The following SENP7 variants were observed in gnomAD, a reference collection of about 807,000 sequenced individuals.
SENP7 encodes sentrin-specific protease 7.
In SENP7, 64 loss-of-function variants were observed where a neutral mutation model predicts 141.2. The observed-to-expected ratio is 0.45, with a 90% CI of 0.37 to 0.56. The LOEUF (loss-of-function observed/expected upper bound fraction) is 0.56, where lower values mean the gene tolerates loss of function less well. Ranked by LOEUF, SENP7 falls within the 20% of genes least tolerant of loss-of-function variation. The probability of loss-of-function intolerance (pLI) is 0.00; values close to 1 mark genes in which losing one functional copy is unlikely to be tolerated. For missense variants in SENP7, 1,025 were observed against 1,212.2 expected, an observed-to-expected ratio of 0.85 and a Z score of 2.29; for synonymous variants, 382 against 426.4, an observed-to-expected ratio of 0.90 and a Z score of 1.28.
intron 1 of SENP7, among the ~76,000 whole-genome samples, chr3:101,505,385 T>A (rs2065559418): frequency 6.6e-6 from 1 of 152,226 alleles, no homozygotes; most frequent in African/African-American, 2.4e-5. Flanking sequence ...AATGTCAGTT[T>A]CTTAAATTTT....
intron 6 of SENP7, among the ~76,000 whole-genome samples, chr3:101,378,808 A>G (rs1011549570): frequency 6.6e-6 from 1 of 152,144 alleles, no homozygotes; most frequent in Non-Finnish European, 1.5e-5. Flanking sequence ...AAATCCAGAA[A>G]AAAATAAGCC....
At chr3:101,404,235 G>A (rs1206978196) in intron 5 of SENP7, among the ~76,000 whole-genome samples, 1 of 151,968 alleles carries the variant, frequency 6.6e-6, no homozygotes, top group Non-Finnish European at 1.5e-5. Flanking sequence ...CAGACTAATG[G>A]AAAAGAATAA....
intron 2 of SENP7, among the ~76,000 whole-genome samples, chr3:101,496,512 T>C (rs10936664): frequency 0.68 from 102,283 of 151,416 alleles, 34,949 homozygotes; most frequent in African/African-American, 0.76. Flanking sequence ...AATCCTCCCA[T>C]CTTGGCCTCC....
At chr3:101,467,080 G>C (rs1466328750) in intron 3 of SENP7, among the ~76,000 whole-genome samples, 1 of 152,242 alleles carries the variant, frequency 6.6e-6, no homozygotes, top group Non-Finnish European at 1.5e-5. Context: ...CTTGCTCACT[G>C]CTAGCACAGC....
chr3:101,464,584 A>G (rs575285435), intron 3 of SENP7, among the ~76,000 whole-genome samples: 37 of 150,298 alleles, frequency 2.5e-4, no homozygotes, highest in African/African-American at 7.1e-4. Flanking sequence ...GTCTCCCATC[A>G]CCTCCAGATG....
intron 4 of SENP7, among the ~76,000 whole-genome samples, chr3:101,455,855 A>G (rs2063334202): frequency 6.6e-6 from 1 of 152,180 alleles, no homozygotes; most frequent in South Asian, 2.1e-4. Context: ...CAGATATTCT[A>G]GATATCCTAA....
chr3:101,462,855 G>A (rs992503062), intron 3 of SENP7, among the ~76,000 whole-genome samples: 2 of 150,014 alleles, frequency 1.3e-5, no homozygotes, highest in African/African-American at 2.4e-5. Context: ...GCAAAAGAGC[G>A]AGACTCTGTC....
chr3:101,331,932 CATTAA>C, intron 19 of SENP7, 48 bp downstream of exon 19: 1 of 1,568,212 alleles, frequency 6.4e-7, no homozygotes, highest in Non-Finnish European at 8.8e-7. Flanking sequence ...TCCCTGTAAC[CATTAA>C]ATTATTGTCA....
At chr3:101,463,364 A>AAT (rs71625265) in intron 3 of SENP7, among the ~76,000 whole-genome samples, 3,176 of 88,596 alleles carry the variant, frequency 0.036, 95 homozygotes, top group East Asian at 0.097. Flanking sequence ...TAAATAAATA[A>AAT]ATATATATAT....
chr3:101,470,900 A>C (rs1038114493), intron 3 of SENP7, among the ~76,000 whole-genome samples: 3 of 152,214 alleles, frequency 2.0e-5, no homozygotes, highest in Non-Finnish European at 4.4e-5. Context: ...TCCCATTCAC[A>C]ATTGCTTCAA....
chr3:101,414,188 T>A (rs78879949), intron 5 of SENP7: 31 of 572,408 alleles, frequency 5.4e-5, no homozygotes, highest in African/African-American at 5.1e-4. Flanking sequence ...TAACTATATA[T>A]GGCCGCACAG....
chr3:101,424,240 G>A (rs529298535), intron 4 of SENP7, among the ~76,000 whole-genome samples: 1 of 152,224 alleles, frequency 6.6e-6, no homozygotes, highest in Admixed American at 6.5e-5. Context: ...CTCCAGTGGG[G>A]TGGCCCCCAA....
intron 4 of SENP7, among the ~76,000 whole-genome samples, chr3:101,449,502 C>G (rs997980279): frequency 6.6e-6 from 1 of 152,218 alleles, no homozygotes; most frequent in Non-Finnish European, 1.5e-5. Flanking sequence ...GGAAGCCCAT[C>G]AGACTAACAG....
At chr3:101,371,133 CAAAA>C (rs2060168008) in intron 7 of SENP7, among the ~76,000 whole-genome samples, 1 of 151,838 alleles carries the variant, frequency 6.6e-6, no homozygotes, top group African/African-American at 2.4e-5. Context: ...CTGCAAAATA[CAAAA>C]AATTAGCCAG....
In SENP7 at chr3:101,499,558, CAG is replaced by C. The variant is rs1490053056; in HGVS notation, c.90+1510_90+1511del. 5.6e-5 allele frequency among the ~76,000 whole-genome samples: 7 copies of C among 125,242 alleles called. No homozygotes were observed. In the East Asian group the frequency reaches 8.1e-4, roughly 15 times the overall value. The allele number at this position is 125,242 out of a possible 152,430, so 82.2% of individuals were successfully genotyped here. ...TAATTTTTTTTTTTTTTCTTGGAGA[CAG>C]AGTCTCGCTCTGTCGCCCAGTCTAG... On this transcript the variant is annotated intron_variant, in intron 2 of 23. Coordinates refer to ENST00000394095, the MANE Select transcript of SENP7 (RefSeq NM_020654.5).
At chr3:101,461,935 T>C (rs1464188645) in intron 3 of SENP7, among the ~76,000 whole-genome samples, 1 of 152,194 alleles carries the variant, frequency 6.6e-6, no homozygotes, top group Non-Finnish European at 1.5e-5. Context: ...AGTGATTCTG[T>C]TTTTGTGAAA....
intron 2 of SENP7, among the ~76,000 whole-genome samples, chr3:101,500,253 A>G (rs2065324759): frequency 6.6e-6 from 1 of 152,196 alleles, no homozygotes; most frequent in Non-Finnish European, 1.5e-5. Flanking sequence ...ACAAAATTCT[A>G]GAAAAAAAAT....
At chr3:101,495,109 A>C (rs578173026) in intron 2 of SENP7, among the ~76,000 whole-genome samples, 10 of 152,356 alleles carry the variant, frequency 6.6e-5, no homozygotes, top group Admixed American at 2.0e-4. Context: ...AAAAGTGGGC[A>C]AAGGATATGA....
intron 3 of SENP7, among the ~76,000 whole-genome samples, chr3:101,489,750 T>C (rs566097222): frequency 1.4e-4 from 21 of 152,314 alleles, no homozygotes; most frequent in African/African-American, 4.3e-4. Context: ...AGACAGATCA[T>C]TGAGGCAGAA....
Sources: allele counts gnomAD v4.1 joint callset (sites outside exome capture counted in the v4.1 genomes callset), GRCh38; gene constraint gnomAD v4.1.1; transcripts MANE v1.5; gene names NCBI Gene and HGNC (gene_info 2026-07-23, HGNC 2026-07-21).